GRIK1: variants seen among roughly 807,000 people sequenced by gnomAD.
The protein encoded by GRIK1 is glutamate receptor ionotropic, kainate 1.
GRIK1 carries 69 observed loss-of-function variants against 105.7 expected under a neutral mutation model. The ratio of observed to expected loss-of-function variants is 0.65; its 90% CI spans 0.54 to 0.80. The LOEUF is 0.80. Ranked by LOEUF, GRIK1 falls within the 30% of genes least tolerant of loss-of-function variation. The pLI is 0.00. For synonymous variants in GRIK1, 438 were observed against 431.3 expected (o/e 1.02, Z -0.19); for missense variants, 1,109 against 1,167.3 (o/e 0.95, Z 0.73).
In GRIK1 at chr21:29,708,906, A is replaced by C. The variant is rs112037089; in HGVS notation, c.119-14843T>G. Among the ~76,000 whole-genome samples, 1,102 of 152,310 alleles carry C rather than the reference A, an allele frequency of 7.2e-3. 14 individuals are homozygous for C. Among genetic ancestry groups the C allele is most frequent in the African/African-American group, 0.025 (1,057 of 41,554 alleles). ...TTTCTCCTCTGCCCACATAATTGAT[A>C]AATATAATTGCTATTGGGTTTTTAA... On this transcript the variant is annotated intron_variant, in intron 1 of 17. Transcript: ENST00000327783.
At chr21:29,931,155 G>A (rs1180757649) in intron 1 of GRIK1, among the ~76,000 whole-genome samples, 2 of 152,152 alleles carry the variant, frequency 1.3e-5, no homozygotes, top group African/African-American at 4.8e-5. Context: ...ATTAAGTAAA[G>A]TCAGTCTTTA....
intron 9 of GRIK1, among the ~76,000 whole-genome samples, chr21:29,594,122 A>G (rs1023516376): frequency 3.3e-5 from 5 of 152,180 alleles, no homozygotes; most frequent in South Asian, 2.1e-4. Context: ...TGTACAGTAT[A>G]TATATGCTGA....
At chr21:29,650,312 T>G (rs561250958) in intron 6 of GRIK1, among the ~76,000 whole-genome samples, 2 of 152,344 alleles carry the variant, frequency 1.3e-5, no homozygotes, top group South Asian at 4.1e-4. Flanking sequence ...ATGATAGGAA[T>G]GGATAATAAA....
chr21:29,902,940 A>T (rs1457472632), intron 1 of GRIK1, among the ~76,000 whole-genome samples: 2 of 152,178 alleles, frequency 1.3e-5, no homozygotes, highest in African/African-American at 4.8e-5. Context: ...AGATATATAG[A>T]CCAATGGAAC....
chr21:29,924,973 G>A (rs1180838676), intron 1 of GRIK1, among the ~76,000 whole-genome samples: 3 of 152,132 alleles, frequency 2.0e-5, no homozygotes, highest in African/African-American at 7.2e-5. Context: ...ATGATGATGA[G>A]GTGACGTGCA....
intron 1 of GRIK1, among the ~76,000 whole-genome samples, chr21:29,894,113 G>T (rs1404779773): frequency 6.6e-6 from 1 of 152,130 alleles, no homozygotes; most frequent in South Asian, 2.1e-4. Flanking sequence ...ATGAAGAAGG[G>T]CCTTGTATTA....
At chr21:29,607,482 G>C (rs1017305290) in intron 7 of GRIK1, among the ~76,000 whole-genome samples, 1 of 151,180 alleles carries the variant, frequency 6.6e-6, no homozygotes, top group African/African-American at 2.4e-5. Context: ...ATTATTTATA[G>C]ATTTGATTAC....
intron 1 of GRIK1, among the ~76,000 whole-genome samples, chr21:29,861,335 C>T (rs1038303950): frequency 2.6e-5 from 4 of 151,358 alleles, no homozygotes; most frequent in Admixed American, 1.3e-4. Flanking sequence ...GAGACAGGGT[C>T]TCACTCTGTC....
intron 1 of GRIK1, among the ~76,000 whole-genome samples, chr21:29,745,259 C>T (rs1439022048): frequency 1.3e-5 from 2 of 152,168 alleles, no homozygotes; most frequent in Non-Finnish European, 2.9e-5. Flanking sequence ...GACTTGAATA[C>T]TGTCAACAAC....
In GRIK1 at chr21:29,560,334, T is replaced by A. The variant is rs2090376273; in HGVS notation, c.2356+1290A>T. ...TTCTTTCTTTCTTTCTTTCTTTCTT[T>A]CTTTCTTTCTTTCTTTCTTTCTTTT... On this transcript the variant is annotated intron_variant, in intron 15 of 17. Transcript: ENST00000327783. Among the ~76,000 whole-genome samples the A allele has an allele frequency of 2.5e-5, 3 of 120,712 alleles. No individual in the cohort carries two copies. In the Admixed American group the frequency reaches 2.6e-4, roughly 10 times the overall value. The allele number at this position is 120,712 out of a possible 152,430, so 79.2% of individuals were successfully genotyped here. A position where few individuals can be genotyped will look rare whatever the true frequency, so the allele number is the denominator to read the frequency against.
chr21:29,799,723 T>TTTCA (rs1328058254), intron 1 of GRIK1, among the ~76,000 whole-genome samples: 4 of 152,154 alleles, frequency 2.6e-5, no homozygotes, highest in Admixed American at 1.3e-4. Flanking sequence ...AGAGACAGGA[T>TTTCA]TTCACTATGT....
intron 1 of GRIK1, among the ~76,000 whole-genome samples, chr21:29,715,356 A>G (rs1054760653): frequency 6.6e-6 from 1 of 152,194 alleles, no homozygotes; most frequent in Non-Finnish European, 1.5e-5. Context: ...TTCTAAATGT[A>G]CTAGGAGGAG....
intron 1 of GRIK1, among the ~76,000 whole-genome samples, chr21:29,695,476 C>CCATCTATA (rs1555874150): frequency 1.4e-5 from 2 of 139,946 alleles, no homozygotes; most frequent in African/African-American, 5.3e-5. Flanking sequence ...ATCTATCTAT[C>CCATCTATA]TATATATATA....
chr21:29,725,740 G>A (rs899214396), intron 1 of GRIK1, among the ~76,000 whole-genome samples: 4 of 152,104 alleles, frequency 2.6e-5, no homozygotes, highest in Admixed American at 6.6e-5. Flanking sequence ...CTATTACAAA[G>A]CCATAATTTT....
At chr21:29,931,887 A>G (rs1051558328) in intron 1 of GRIK1, among the ~76,000 whole-genome samples, 2 of 152,138 alleles carry the variant, frequency 1.3e-5, no homozygotes, top group Non-Finnish European at 2.9e-5. Flanking sequence ...AAAAAATAAT[A>G]TGTTTTAATA....
intron 1 of GRIK1, among the ~76,000 whole-genome samples, chr21:29,873,424 G>A (rs1195156246): frequency 6.6e-6 from 1 of 152,160 alleles, no homozygotes; most frequent in African/African-American, 2.4e-5. Flanking sequence ...CTTAACAGGG[G>A]TGTAAACTTG....
At chr21:29,700,715 TTG>T (rs1295811256) in intron 1 of GRIK1, among the ~76,000 whole-genome samples, 1 of 152,184 alleles carries the variant, frequency 6.6e-6, no homozygotes, top group Non-Finnish European at 1.5e-5. Context: ...CAAGCCATTG[TTG>T]TGGGTAAGAA....
chr21:29,754,889 G>A (rs116124260), intron 1 of GRIK1, among the ~76,000 whole-genome samples: 2,439 of 152,078 alleles, frequency 0.016, 28 homozygotes, highest in Middle Eastern at 0.048. Flanking sequence ...CTGCCCTATC[G>A]ATTTCAGACT....
At chr21:29,867,759 G>A (rs766870082) in intron 1 of GRIK1, among the ~76,000 whole-genome samples, 3 of 149,268 alleles carry the variant, frequency 2.0e-5, no homozygotes, top group Non-Finnish European at 3.0e-5. Context: ...ATGCCACTGC[G>A]CTCCAGCCTG....
Sources: allele counts gnomAD v4.1 joint callset (sites outside exome capture counted in the v4.1 genomes callset), GRCh38; gene constraint gnomAD v4.1.1; transcripts MANE v1.5; gene names NCBI Gene and HGNC (gene_info 2026-07-23, HGNC 2026-07-21).